Variants in HELB observed in about 807,000 individuals in gnomAD.
HELB encodes DNA helicase B, also known as DNA 5'-3' helicase B.
HELB carries 96 observed loss-of-function variants against 101.7 expected under a neutral mutation model. The ratio of observed to expected loss-of-function variants is 0.94; its 90% CI spans 0.80 to 1.12. The LOEUF (loss-of-function observed/expected upper bound fraction) is 1.12, where lower values mean the gene tolerates loss of function less well. HELB is among the 50% of genes most tolerant of loss of function. The pLI is 0.00. For missense variants in HELB, 1,210 were observed against 1,291.9 expected, an observed-to-expected ratio of 0.94 and a Z score of 0.97; for synonymous variants, 437 against 459.7, an observed-to-expected ratio of 0.95 and a Z score of 0.63.
At chr12:66,324,504 A>G (rs1344674165) in intron 10 of HELB, 1 of 291,010 alleles carries the variant, frequency 3.4e-6, no homozygotes, top group Admixed American at 4.7e-5. Context: ...AAATCGAAGT[A>G]CTTGAGTAAC....
At chr12:66,306,848 A>G (rs1443555885) in intron 3 of HELB, among the ~76,000 whole-genome samples, 1 of 152,188 alleles carries the variant, frequency 6.6e-6, no homozygotes, top group African/African-American at 2.4e-5. Context: ...TGCAGCTTGA[A>G]TCTTATTGAG....
chr12:66,310,411 T>C lies in HELB; in HGVS notation c.1483T>C (p.Leu495=), dbSNP rs1242971531. The C allele has an allele frequency of 1.9e-6, 3 of 1,613,890 alleles. No homozygotes were observed. The highest frequency in any genetic ancestry group is 2.5e-6 in the Non-Finnish European group (3 of 1,180,008). Reference sequence around the variant, plus strand: ...CCGTCTTTTTAAGCATATAGAGCAGTTGGAAGAAAGAGAAGTAAAAAAAGC... The same window carrying C: ...CCGTCTTTTTAAGCATATAGAGCAGCTGGAAGAAAGAGAAGTAAAAAAAGC... ...VSRLFKHIEQ[L]EEREVKKACE... is the part of the protein sequence containing the mutation. The change falls in exon 4 of 13, where the codon TTG becomes CTG. Residue 495 remains leucine, a synonymous_variant. Coordinates refer to ENST00000247815, the MANE Select transcript of HELB (RefSeq NM_001370285.1).
chr12:66,339,288 T>C (rs1403503166), downstream of HELB: 2 of 151,404 alleles, frequency 1.3e-5, no homozygotes, highest in African/African-American at 4.9e-5. Context: ...ACTACCATTA[T>C]TATCAATTTT....
intron 12 of HELB, among the ~76,000 whole-genome samples, chr12:66,333,849 T>C (rs926715827): frequency 2.6e-5 from 4 of 151,728 alleles, no homozygotes; most frequent in African/African-American, 9.7e-5. Flanking sequence ...AGCAGTGGTG[T>C]AATATCATCT....
Position 66,306,402 on chromosome 12 carries a change from C to T in HELB, c.665C>T (p.Pro222Leu). ...LQFPKIMEFL[P>L]VLLPRHFKWI... The stretch of plus-strand genomic sequence containing the variant: ...TTTCCGAAGATAATGGAATTCCTTC[C>T]AGTTCTTCTGCCTCGACACTTTAAA... The change falls in exon 3 of 13, where the codon CCA (proline) becomes CTA (leucine). Residue 222 changes from proline to leucine, a missense_variant. This residue lies in a region of HELB where 470 missense variants were observed against 563.1 expected (regional missense o/e 0.83). Coordinates refer to ENST00000247815, the MANE Select transcript of HELB (RefSeq NM_001370285.1). The T allele has an allele frequency of 1.2e-6, 2 of 1,608,070 alleles. No individual in the cohort carries two copies. Among genetic ancestry groups the T allele is most frequent in the South Asian group, 1.1e-5 (1 of 89,966 alleles).
intron 12 of HELB, among the ~76,000 whole-genome samples, chr12:66,336,096 C>T (rs2053863738): frequency 6.6e-6 from 1 of 152,098 alleles, no homozygotes; most frequent in Non-Finnish European, 1.5e-5. Context: ...ACTTAGTGAT[C>T]AAAATATGAG....
At chr12:66,311,435 C>G (rs1196019313) in intron 4 of HELB, among the ~76,000 whole-genome samples, 2 of 152,148 alleles carry the variant, frequency 1.3e-5, no homozygotes, top group Non-Finnish European at 2.9e-5. Flanking sequence ...GCACTCCAGC[C>G]TGGGTGACAA....
At chr12:66,332,705 A>T (rs942700069) in intron 12 of HELB, among the ~76,000 whole-genome samples, 3 of 152,198 alleles carry the variant, frequency 2.0e-5, no homozygotes, top group Non-Finnish European at 2.9e-5. Flanking sequence ...ATAGGTATGT[A>T]TGTATAGGAA....
chr12:66,302,957 G>A (rs2053423536), intron 1 of HELB, among the ~76,000 whole-genome samples, 167 bp downstream of exon 1: 1 of 151,198 alleles, frequency 6.6e-6, no homozygotes, highest in Non-Finnish European at 1.5e-5. Context: ...AATAATAGCA[G>A]TGACTTTAAC....
chr12:66,306,312 T>A (rs542999280), intron 2 of HELB, 33 bp from the exon 3 acceptor site: 1 of 1,477,302 alleles, frequency 6.8e-7, no homozygotes, highest in South Asian at 1.4e-5. Flanking sequence ...GGTTCATTTA[T>A]GTTTTACTTT....
chr12:66,324,629 A>AT, intron 10 of HELB: 1 of 292,758 alleles, frequency 3.4e-6, no homozygotes, highest in Non-Finnish European at 6.5e-6. Context: ...CAGTGTAGAT[A>AT]CCCTCACTGA....
chr12:66,327,655 G>A (rs900166089), intron 11 of HELB, among the ~76,000 whole-genome samples: 4 of 151,986 alleles, frequency 2.6e-5, no homozygotes, highest in African/African-American at 9.7e-5. Context: ...GTTCAATTCC[G>A]TTCAACAAAT....
chr12:66,320,217 A>T (rs1302431257), intron 7 of HELB, among the ~76,000 whole-genome samples: 3 of 152,108 alleles, frequency 2.0e-5, no homozygotes, highest in African/African-American at 7.2e-5. Flanking sequence ...AAAGTCAATG[A>T]TACAGGAATG....
intron 7 of HELB, 27 bp downstream of exon 7, chr12:66,318,819 G>T (rs759658016): frequency 6.5e-7 from 1 of 1,542,182 alleles, no homozygotes; most frequent in Non-Finnish European, 8.8e-7. Context: ...ATGAGATGTA[G>T]AGTTAAGTAT....
intron 12 of HELB, among the ~76,000 whole-genome samples, chr12:66,333,334 G>T (rs892628668): frequency 6.6e-6 from 1 of 152,106 alleles, no homozygotes; most frequent in Middle Eastern, 3.2e-3. Context: ...AGCAGCATGG[G>T]GGCCTCTGAG....
At chr12:66,316,162 T>C (rs958998737) in intron 6 of HELB, among the ~76,000 whole-genome samples, 1 of 152,196 alleles carries the variant, frequency 6.6e-6, no homozygotes, top group Non-Finnish European at 1.5e-5. Flanking sequence ...CTGTGCAGGT[T>C]TGTAGCCTAG....
chr12:66,321,485 A>G (rs542418210), intron 7 of HELB: 49 of 158,796 alleles, frequency 3.1e-4, no homozygotes, highest in South Asian at 8.8e-4. Flanking sequence ...ATATAAGAGC[A>G]CCTACCACAT....
At chr12:66,319,256 G>A (rs2053644394) in intron 7 of HELB, among the ~76,000 whole-genome samples, 1 of 152,184 alleles carries the variant, frequency 6.6e-6, no homozygotes. Flanking sequence ...ATTCCTAATA[G>A]TTCTGTTTTA....
At chr12:66,303,106 T>A (rs12299338) in intron 1 of HELB, among the ~76,000 whole-genome samples, 3,193 of 105,260 alleles carry the variant, frequency 0.03, 75 homozygotes, top group African/African-American at 0.082. Context: ...TTTTTTTTTT[T>A]TAAAATTATT....
Sources: allele counts gnomAD v4.1 joint callset (sites outside exome capture counted in the v4.1 genomes callset), GRCh38; gene constraint gnomAD v4.1.1; regional missense constraint gnomAD v4.1.1; transcripts MANE v1.5; gene names NCBI Gene and HGNC (gene_info 2026-07-23, HGNC 2026-07-21).